Variants in AGBL2 observed in about 807,000 individuals in gnomAD.
AGBL2 encodes cytosolic carboxypeptidase 2.
In AGBL2, 87 loss-of-function variants were observed where a neutral mutation model predicts 103.0. The observed-to-expected ratio is 0.84, with a 90% confidence interval of 0.71 to 1.01. The LOEUF (loss-of-function observed/expected upper bound fraction) is 1.01. Ranked by LOEUF, AGBL2 falls within the 50% of genes least tolerant of loss-of-function variation. The probability of loss-of-function intolerance (pLI) is 0.00; values close to 1 mark genes in which losing one functional copy is unlikely to be tolerated. For synonymous variants in AGBL2, 335 were observed against 356.7 expected (o/e 0.94, Z 0.69); for missense variants, 904 against 1,023.5 (o/e 0.88, Z 1.59).
chr11:47,670,325 T>C (rs1480660141), intron 14 of AGBL2, among the ~76,000 whole-genome samples: 1 of 151,774 alleles, frequency 6.6e-6, no homozygotes, highest in Non-Finnish European at 1.5e-5. Context: ...ACAAAAAATG[T>C]TTTTTTTAAA....
At chr11:47,687,877 G>A (rs565423693) in intron 10 of AGBL2, among the ~76,000 whole-genome samples, 3 of 143,172 alleles carry the variant, frequency 2.1e-5, no homozygotes, top group African/African-American at 5.2e-5. Flanking sequence ...GCGTGATCTC[G>A]GCTCACTGCA....
rs201723491 is a variant in AGBL2 at position 47,714,273 on chromosome 11, C to T, written c.97+11G>A. 1 of 1,606,566 alleles carries T rather than the reference C, an allele frequency of 6.2e-7. No homozygotes were observed. Among genetic ancestry groups the T allele is most frequent in the Non-Finnish European group, 8.5e-7 (1 of 1,174,066 alleles). On this transcript the variant is annotated intron_variant, in intron 3 of 18. Coordinates refer to ENST00000525123, the MANE Select transcript of AGBL2 (RefSeq NM_024783.4). ...CAGGAAAGGTGATACTAGATAAGAA[C>T]ATGGTATTACCTTTAAAGTAGCCAT...
intron 10 of AGBL2, 80 bp downstream of exon 10, chr11:47,689,996 C>T: frequency 7.8e-7 from 1 of 1,284,414 alleles, no homozygotes; most frequent in Non-Finnish European, 1.1e-6. Flanking sequence ...ACAGAAGAGA[C>T]CTCATACCCC....
At chr11:47,683,070 G>GAAGAGA (rs957544652) in intron 11 of AGBL2, among the ~76,000 whole-genome samples, 3 of 152,034 alleles carry the variant, frequency 2.0e-5, no homozygotes, top group Non-Finnish European at 4.4e-5. Flanking sequence ...AAAGAGAAGA[G>GAAGAGA]AAGAGAAAGA....
chr11:47,673,173 T>C (rs1349831438), intron 14 of AGBL2, among the ~76,000 whole-genome samples: 1 of 152,120 alleles, frequency 6.6e-6, no homozygotes, highest in Non-Finnish European at 1.5e-5. Context: ...TATCTCCTAG[T>C]AGAGGGAAAC....
intron 15 of AGBL2, among the ~76,000 whole-genome samples, chr11:47,668,367 T>G (rs1292628747): frequency 8.6e-5 from 12 of 139,354 alleles, no homozygotes; most frequent in East Asian, 2.2e-4. Context: ...CGTGGTGGCA[T>G]GTGCCTGTAA....
intron 7 of AGBL2, among the ~76,000 whole-genome samples, chr11:47,701,451 C>T (rs1182473623): frequency 1.5e-5 from 2 of 136,474 alleles, no homozygotes; most frequent in Admixed American, 1.6e-4. Context: ...GACTGGGCGA[C>T]AGAGCAAGAC....
chr11:47,704,782 T>G, intron 6 of AGBL2, 54 bp from the exon 7 acceptor site: 1 of 1,410,062 alleles, frequency 7.1e-7, no homozygotes, highest in Non-Finnish European at 9.9e-7. Flanking sequence ...CTTGGGAACT[T>G]TACTGCTCAT....
At chr11:47,709,547 T>C (rs1478915350) in intron 4 of AGBL2, among the ~76,000 whole-genome samples, 2 of 152,160 alleles carry the variant, frequency 1.3e-5, no homozygotes, top group African/African-American at 4.8e-5. Context: ...GCAAAGAGCC[T>C]TAGTAAGCAT....
At chr11:47,697,916 A>G (rs1168097370) in intron 8 of AGBL2, among the ~76,000 whole-genome samples, 2 of 149,854 alleles carry the variant, frequency 1.3e-5, no homozygotes, top group Non-Finnish European at 3.0e-5. Context: ...GCTGGAGTGC[A>G]GTGGCGCCAT....
intron 2 of AGBL2, 22 bp from the exon 3 acceptor site, chr11:47,714,369 C>G (rs1280593135): frequency 6.2e-7 from 1 of 1,605,224 alleles, no homozygotes; most frequent in African/African-American, 1.3e-5. Flanking sequence ...AAGGCCACTT[C>G]AATCAAGATA....
chr11:47,682,220 C>T (rs1390290904), intron 11 of AGBL2, 125 bp from the exon 12 acceptor site: 1 of 975,636 alleles, frequency 1.0e-6, no homozygotes, highest in African/African-American at 1.6e-5. Flanking sequence ...GCATGTTCCA[C>T]AAAATACTAA....
chr11:47,708,839 T>C (rs2097528977), intron 4 of AGBL2, among the ~76,000 whole-genome samples: 1 of 150,624 alleles, frequency 6.6e-6, no homozygotes, highest in South Asian at 2.1e-4. Context: ...TTATCAATAT[T>C]GGCTGGGTGT....
At chr11:47,692,401 A>AAT in intron 8 of AGBL2, 145 bp from the exon 9 acceptor site, 4 of 279,094 alleles carry the variant, frequency 1.4e-5, no homozygotes, top group Non-Finnish European at 1.9e-5. Context: ...AGAGACTTTT[A>AAT]ATCTTTTTTT....
chr11:47,687,730 G>A (rs916262390), intron 10 of AGBL2, among the ~76,000 whole-genome samples: 16 of 151,876 alleles, frequency 1.1e-4, no homozygotes, highest in African/African-American at 3.9e-4. Flanking sequence ...GCAGAACTAT[G>A]AGCCAATTAA....
chr11:47,703,944 A>C (rs1178618780), intron 7 of AGBL2, among the ~76,000 whole-genome samples: 8 of 150,766 alleles, frequency 5.3e-5, no homozygotes, highest in Non-Finnish European at 1.2e-4. Flanking sequence ...AAAAAAACAA[A>C]AAAAAAACTA....
In AGBL2 at chr11:47,660,363, T is replaced by G. The variant is rs752010253; in HGVS notation, c.2536-17A>C. The G allele has an allele frequency of 1.9e-6, 3 of 1,586,846 alleles. No homozygotes were observed. The highest frequency in any genetic ancestry group is 2.6e-6 in the Non-Finnish European group (3 of 1,166,132). ...CTTCTTATTCTGTGCAAATAAGATTTTAAAAAGTTGAATTCAGTTTATTTT... is the reference window on the plus strand; with the variant it reads ...CTTCTTATTCTGTGCAAATAAGATTGTAAAAAGTTGAATTCAGTTTATTTT... On this transcript the variant is annotated splice_polypyrimidine_tract_variant and intron_variant, in intron 18 of 18. Coordinates refer to ENST00000525123, the MANE Select transcript of AGBL2 (RefSeq NM_024783.4).
At chr11:47,687,395 G>A (rs1295418772) in intron 10 of AGBL2, among the ~76,000 whole-genome samples, 1 of 151,796 alleles carries the variant, frequency 6.6e-6, no homozygotes, top group African/African-American at 2.4e-5. Context: ...AAATGAAAAA[G>A]AACCCCACTT....
chr11:47,673,058 C>A (rs2097362132), intron 14 of AGBL2, among the ~76,000 whole-genome samples: 2 of 152,098 alleles, frequency 1.3e-5, no homozygotes, highest in African/African-American at 2.4e-5. Context: ...TAAATTAATT[C>A]AAAAAATATT....
Sources: allele counts gnomAD v4.1 joint callset (sites outside exome capture counted in the v4.1 genomes callset), GRCh38; gene constraint gnomAD v4.1.1; transcripts MANE v1.5; gene names NCBI Gene and HGNC (gene_info 2026-07-23, HGNC 2026-07-21).